Variants in BRD4 observed in about 807,000 individuals in gnomAD.
The protein encoded by BRD4 is bromodomain containing 4.
A neutral mutation model predicts 142.1 loss-of-function variants in BRD4; 16 were observed. The observed-to-expected ratio is 0.11, with a 90% CI of 0.08 to 0.17. BRD4 has a LOEUF of 0.17. Among genes scored for constraint, BRD4 ranks in the 10% least tolerant of loss-of-function variants. The pLI, the probability that BRD4 is intolerant of heterozygous loss-of-function variation, is 1.00. For synonymous variants in BRD4, 833 were observed against 707.5 expected, an observed-to-expected ratio of 1.18 and a Z score of -2.82; for missense variants, 1,424 against 1,810.9, an observed-to-expected ratio of 0.79 and a Z score of 3.88.
At chr19:15,273,202 C>A (rs1470852250) in intron 1 of BRD4, 69 bp from the exon 2 acceptor site, 61 of 1,448,702 alleles carry the variant, frequency 4.2e-5, no homozygotes, top group Non-Finnish European at 5.5e-5. Flanking sequence ...AATGACAAGT[C>A]CCTCTGGCTG....
chr19:15,267,429 C>T lies in BRD4; in HGVS notation c.546G>A (p.Gly182=), dbSNP rs1568389862. ...TCAGTACTCTACCTGTTTCTTTCCT[C>T]CCACGTCCTCTTCCTTTTGCCTGGA... ...MIVQAKGRGR[G]RKETGTAKPG... The change falls in exon 4 of 20, where the codon GGG becomes GGA. Residue 182 remains glycine (G), a synonymous_variant. Transcript: ENST00000679869. 1 of 1,614,160 alleles carries T rather than the reference C, an allele frequency of 6.2e-7. No homozygotes were observed. The highest frequency in any genetic ancestry group is 1.1e-5 in the South Asian group (1 of 91,076).
chr19:15,254,123 T>G (rs200426186), intron 11 of BRD4, 29 bp downstream of exon 11: 1 of 1,586,454 alleles, frequency 6.3e-7, no homozygotes, highest in Non-Finnish European at 8.7e-7. Flanking sequence ...AAGAGTTTGG[T>G]AAGACACGTA....
At chr19:15,259,768 C>T (rs2047449501) in intron 7 of BRD4, among the ~76,000 whole-genome samples, 1 of 152,214 alleles carries the variant, frequency 6.6e-6, no homozygotes, top group African/African-American at 2.4e-5. Context: ...GAATGACGAG[C>T]TCCCTGTTCA....
chr19:15,279,472 C>G (rs2047684037), intron 1 of BRD4, among the ~76,000 whole-genome samples: 1 of 152,206 alleles, frequency 6.6e-6, no homozygotes, highest in African/African-American at 2.4e-5. Context: ...ATAGTTCTCT[C>G]CATCGCCCGT....
chr19:15,290,427 T>C (rs754660996), intron 1 of BRD4, among the ~76,000 whole-genome samples: 12 of 152,078 alleles, frequency 7.9e-5, no homozygotes, highest in Non-Finnish European at 1.5e-4. Context: ...GCCATAGAAA[T>C]CAAAATGCAT....
intron 1 of BRD4, among the ~76,000 whole-genome samples, chr19:15,312,239 T>A (rs1296850708): frequency 6.6e-6 from 1 of 152,148 alleles, no homozygotes; most frequent in African/African-American, 2.4e-5. Context: ...AGCTCCCATT[T>A]GTAATCCCTG....
chr19:15,247,597 G>A (rs1287658987), intron 11 of BRD4: 1 of 232,982 alleles, frequency 4.3e-6, no homozygotes, highest in South Asian at 1.8e-4. Flanking sequence ...GCAGCATGCA[G>A]GCCCGACACT....
chr19:15,296,408 T>C (rs1393835058), intron 1 of BRD4, among the ~76,000 whole-genome samples: 1 of 152,204 alleles, frequency 6.6e-6, no homozygotes, highest in Non-Finnish European at 1.5e-5. Context: ...TTTGTTCCCC[T>C]TCTTCCAAGT....
chr19:15,317,686 C>A (rs1353030320), intron 1 of BRD4, among the ~76,000 whole-genome samples: 4 of 152,034 alleles, frequency 2.6e-5, no homozygotes, highest in Non-Finnish European at 5.9e-5. Flanking sequence ...AAAGGGTAAA[C>A]CAGCTCTCAC....
At chr19:15,267,624 C>A in intron 3 of BRD4, 73 bp from the exon 4 acceptor site, 1 of 1,032,212 alleles carries the variant, frequency 9.7e-7, no homozygotes, top group Non-Finnish European at 1.3e-6. Context: ...GCACCCCATG[C>A]CACCCACCCC....
intron 1 of BRD4, among the ~76,000 whole-genome samples, chr19:15,328,546 C>T (rs2048129297): frequency 6.6e-6 from 1 of 152,184 alleles, no homozygotes; most frequent in Non-Finnish European, 1.5e-5. Flanking sequence ...TTAGTTGAAA[C>T]TCACATTCCT....
At chr19:15,318,942 G>A (rs2048038790) in intron 1 of BRD4, among the ~76,000 whole-genome samples, 1 of 152,240 alleles carries the variant, frequency 6.6e-6, no homozygotes, top group Non-Finnish European at 1.5e-5. Context: ...TGACAACTCT[G>A]TGAAACCTCT....
chr19:15,239,101 T>A lies in BRD4; in HGVS notation c.3740A>T (p.His1247Leu). The A allele has an allele frequency of 6.2e-7, 1 of 1,607,868 alleles. No individual in the cohort carries two copies. The highest frequency in any genetic ancestry group is 8.5e-7 in the Non-Finnish European group (1 of 1,179,500). Residue 1247 changes from histidine (H) to leucine (L), a missense_variant, in exon 18 of 20, where the codon CAC (histidine) becomes CTC (leucine). Coordinates refer to ENST00000679869, the MANE Select transcript of BRD4 (RefSeq NM_001379291.1). This position sits in a 1 kb window ranked among gnomAD's most constrained non-coding sequence, Gnocchi z 7.4. ...REKALKAQAE[H>L]AEKEKERLRQ... ...CAGCCGCTCCTTCTCCTTCTCAGCGTGCTCGGCCTGAGCCTTCAGGGCCTT... is the reference window on the plus strand; with the variant it reads ...CAGCCGCTCCTTCTCCTTCTCAGCGAGCTCGGCCTGAGCCTTCAGGGCCTT...
At chr19:15,312,259 C>A (rs975025686) in intron 1 of BRD4, among the ~76,000 whole-genome samples, 1 of 152,108 alleles carries the variant, frequency 6.6e-6, no homozygotes, top group Non-Finnish European at 1.5e-5. Flanking sequence ...GCAGTTTGAG[C>A]GGCCAAGACA....
At chr19:15,280,769 C>T (rs990825436) in intron 1 of BRD4, among the ~76,000 whole-genome samples, 25 of 152,168 alleles carry the variant, frequency 1.6e-4, no homozygotes, top group African/African-American at 4.6e-4. Flanking sequence ...ACCTCTCCAC[C>T]GCTCCAAGGC....
Position 15,264,567 on chromosome 19 carries a change from A to T in BRD4, c.1049T>A (p.Val350Asp). The T allele has an allele frequency of 6.2e-7, 1 of 1,613,950 alleles. No homozygotes were observed. The highest frequency in any genetic ancestry group is 8.5e-7 in the Non-Finnish European group (1 of 1,179,998). ...QHPAPEKSSK[V>D]SEQLKCCSGI... The stretch of plus-strand genomic sequence containing the variant: ...GCTGCAGCACTTGAGCTGCTCCGAG[A>T]CCTTGCTGCTCTTCTCTGGTGCTGG... The change falls in exon 6 of 20, where the codon GTC becomes GAC. Residue 350 changes from valine to aspartate, a missense_variant. Val to Asp is a radical substitution (Grantham distance 152). Around this residue, in one of 16 missense-constraint regions of BRD4, gnomAD observed 86 missense variants for 79.9 expected, o/e 1.08. Coordinates refer to ENST00000679869, the MANE Select transcript of BRD4 (RefSeq NM_001379291.1).
At chr19:15,312,325 C>G (rs2047978396) in intron 1 of BRD4, among the ~76,000 whole-genome samples, 1 of 151,942 alleles carries the variant, frequency 6.6e-6, no homozygotes, top group Non-Finnish European at 1.5e-5. Flanking sequence ...TGGTGAGACC[C>G]CATCTCTACT....
At chr19:15,314,790 A>C (rs1188391747) in intron 1 of BRD4, among the ~76,000 whole-genome samples, 1 of 152,234 alleles carries the variant, frequency 6.6e-6, no homozygotes, top group East Asian at 1.9e-4. Flanking sequence ...ACCCAGCTGC[A>C]GAACAGTCCC....
rs59204229 is a variant in BRD4, at chr19:15,278,105, C to CA, written c.-34-4973dup. Among the ~76,000 whole-genome samples the CA allele has an allele frequency of 6.3e-3, 346 of 55,038 alleles. 30 individuals are homozygous for CA. The highest frequency in any genetic ancestry group is 0.017 in the East Asian group (21 of 1,250). The allele number at this position is 55,038 out of a possible 152,430, so 36.1% of individuals were successfully genotyped here. On this transcript the variant is annotated intron_variant, in intron 1 of 19. Coordinates refer to ENST00000679869, the MANE Select transcript of BRD4 (RefSeq NM_001379291.1). The stretch of plus-strand genomic sequence containing the variant: ...TGGGAGACAGAGCAAGACTCCGTCT[C>CA]AAAAAAAAAAAAAAAAAAAAAAAAA...
Sources: allele counts gnomAD v4.1 joint callset (sites outside exome capture counted in the v4.1 genomes callset), GRCh38; gene constraint gnomAD v4.1.1; regional missense constraint gnomAD v4.1.1; non-coding constraint Gnocchi (gnomAD v3.1); transcripts MANE v1.5; gene names NCBI Gene and HGNC (gene_info 2026-07-23, HGNC 2026-07-21).